TRPV3: variants seen among roughly 807,000 people sequenced by gnomAD.
TRPV3 encodes the protein transient receptor potential cation channel subfamily V member 3.
A neutral mutation model predicts 87.1 loss-of-function variants in TRPV3; 88 were observed. That is an observed-to-expected ratio of 1.01 (90% CI 0.85 to 1.21). The LOEUF (loss-of-function observed/expected upper bound fraction) is 1.21, where lower values mean the gene tolerates loss of function less well. TRPV3 is among the 50% of genes most tolerant of loss of function. TRPV3 has a pLI of 0.00. For synonymous variants in TRPV3, 438 were observed against 423.3 expected, an observed-to-expected ratio of 1.03 and a Z score of -0.43; for missense variants, 1,054 against 1,030.1, an observed-to-expected ratio of 1.02 and a Z score of -0.32.
At position 3,532,746 on chromosome 17, in the gene TRPV3, G is replaced by A; in HGVS notation, c.976C>T (p.Leu326=). Residue 326 remains leucine, a synonymous_variant, in exon 8 of 18, where the codon CTG becomes TTG. Coordinates refer to ENST00000576742, the MANE Select transcript of TRPV3 (RefSeq NM_145068.4). ...TCCAGCTCCCAGTTGCCACTCCGCA[G>A]TAGGATCATGTCGTACATGCGCTTC... ...FVKRMYDMIL[L]RSGNWELETT... The A allele has an allele frequency of 6.2e-7, 1 of 1,614,260 alleles. No individual in the cohort carries two copies. The highest frequency in any genetic ancestry group is 1.1e-5 in the South Asian group (1 of 91,092).
intron 6 of TRPV3, among the ~76,000 whole-genome samples, chr17:3,539,804 A>T (rs1350352494): frequency 1.3e-5 from 2 of 152,166 alleles, no homozygotes; most frequent in East Asian, 1.9e-4. Flanking sequence ...AGAATTGCTT[A>T]AAAAAGTAAA....
Position 3,526,850 on chromosome 17 carries a change from T to C in TRPV3, c.1577+4A>G, listed in dbSNP as rs1326377287. The C allele has an allele frequency of 1.2e-6, 2 of 1,609,418 alleles. No homozygotes were observed. The highest frequency in any genetic ancestry group is 1.7e-6 in the Non-Finnish European group (2 of 1,178,064). On this transcript the variant is annotated splice_donor_region_variant and intron_variant, in intron 12 of 17. Transcript: ENST00000576742. ...GCGATAACCAAGGGGCCAGACCTAC[T>C]TACAAGACAAAGTGGAACCAGGCAT...
intron 5 of TRPV3, among the ~76,000 whole-genome samples, chr17:3,543,263 C>T (rs2074486485): frequency 6.6e-6 from 1 of 152,206 alleles, no homozygotes; most frequent in South Asian, 2.1e-4. Flanking sequence ...GCTTCACCCC[C>T]ATCTTCCACA....
chr17:3,513,891 G>T lies in TRPV3; in HGVS notation c.*26C>A, dbSNP rs1567627233. 6.3e-7 allele frequency: 1 copy of T among 1,595,804 alleles called. No individual in the cohort carries two copies. ...CCGCCTGCAGCGCCAGACAGCGCAC[G>T]CGCACACCAGCTCTGGGTTCCGCTT... On this transcript the variant is annotated 3_prime_UTR_variant, in exon 18 of 18. Transcript: ENST00000576742.
At chr17:3,523,845 T>C (rs942179248) in intron 13 of TRPV3, among the ~76,000 whole-genome samples, 1 of 152,040 alleles carries the variant, frequency 6.6e-6, no homozygotes, top group Non-Finnish European at 1.5e-5. Flanking sequence ...TATAGTAAAA[T>C]GTATGATAAG....
At chr17:3,525,263 A>T (rs536852754) in intron 12 of TRPV3, among the ~76,000 whole-genome samples, 1 of 152,108 alleles carries the variant, frequency 6.6e-6, no homozygotes, top group Admixed American at 6.6e-5. Flanking sequence ...CAGGTGATCC[A>T]CCCACCTCGG....
intron 4 of TRPV3, 43 bp downstream of exon 4, chr17:3,544,536 G>C: frequency 7.6e-7 from 1 of 1,319,672 alleles, no homozygotes; most frequent in Non-Finnish European, 1.1e-6. Context: ...GGCACCCCCA[G>C]CCTGGGTGGG....
intron 17 of TRPV3, 91 bp from the exon 18 acceptor site, chr17:3,514,102 G>A: frequency 8.6e-7 from 1 of 1,168,620 alleles, no homozygotes; most frequent in Admixed American, 2.6e-5. Flanking sequence ...TTTTGAGATG[G>A]AGTTTCCCTC....
intron 5 of TRPV3, among the ~76,000 whole-genome samples, chr17:3,543,049 T>C (rs1376182436): frequency 6.6e-6 from 1 of 151,900 alleles, no homozygotes; most frequent in African/African-American, 2.4e-5. Context: ...ATCAACCTGA[T>C]ACTGCACTGG....
At chr17:3,519,577 A>G (rs1299017817) in intron 14 of TRPV3, among the ~76,000 whole-genome samples, 2 of 92,092 alleles carry the variant, frequency 2.2e-5, no homozygotes, top group African/African-American at 4.9e-5. Flanking sequence ...TGGATGGATG[A>G]TTAAATGGAT....
chr17:3,526,602 C>G (rs2150786970), intron 12 of TRPV3, among the ~76,000 whole-genome samples: 1 of 152,312 alleles, frequency 6.6e-6, no homozygotes, highest in African/African-American at 2.4e-5. Context: ...ACCATCTCAG[C>G]CTCCCAGAGT....
At chr17:3,521,106 T>C in intron 13 of TRPV3, 67 bp from the exon 14 acceptor site, 1 of 894,558 alleles carries the variant, frequency 1.1e-6, no homozygotes. Context: ...CTGATCTTCC[T>C]GCTTCCCACC....
Position 3,513,811 on chromosome 17 carries a change from C to T in TRPV3, c.*106G>A. ...ACGAGGGTGCACTCTGCTTCTAGGC[C>T]AGCAGAGCCGGACTCCACCATCCCT... On this transcript the variant is annotated 3_prime_UTR_variant, in exon 18 of 18. Transcript: ENST00000576742. 1.1e-6 allele frequency: 1 copy of T among 950,698 alleles called. No homozygotes were observed. 58.9% of individuals were successfully genotyped at this position (950,698 alleles called of 1,614,324 possible).
intron 13 of TRPV3, among the ~76,000 whole-genome samples, chr17:3,523,563 A>T (rs943619313): frequency 6.6e-6 from 1 of 152,152 alleles, no homozygotes; most frequent in African/African-American, 2.4e-5. Flanking sequence ...TACTAAAAAT[A>T]CAAAAATTAG....
intron 12 of TRPV3, among the ~76,000 whole-genome samples, chr17:3,525,694 A>T: frequency 6.7e-6 from 1 of 149,354 alleles, no homozygotes; most frequent in South Asian, 2.1e-4. Flanking sequence ...ATCTCGGCTC[A>T]CTGCAGCCTC....
At chr17:3,517,908 T>A (rs1055324144) in intron 15 of TRPV3, among the ~76,000 whole-genome samples, 9 of 149,702 alleles carry the variant, frequency 6.0e-5, no homozygotes, top group South Asian at 2.1e-4. Flanking sequence ...AACCTCCACC[T>A]CCTGGGTTCA....
At chr17:3,526,981 G>T in intron 11 of TRPV3, 54 bp from the exon 12 acceptor site, 3 of 1,403,152 alleles carry the variant, frequency 2.1e-6, no homozygotes, top group South Asian at 2.4e-5. Context: ...CTCAGCAGGG[G>T]AGCTGAGCAG....
At chr17:3,532,517 G>A (rs1226545261) in intron 8 of TRPV3, 140 bp downstream of exon 8, 4 of 1,159,962 alleles carry the variant, frequency 3.4e-6, no homozygotes, top group Non-Finnish European at 3.6e-6. Context: ...CGCCACTGCA[G>A]TTCTGGACCC....
At position 3,532,766 on chromosome 17, in the gene TRPV3, C is replaced by T. The variant is rs151284467; in HGVS notation, c.956G>A (p.Arg319His). ...DFKTQNDFVKRMYDMILLRSG... is the reference protein window; with the variant it reads ...DFKTQNDFVKHMYDMILLRSG... ...CCGCAGTAGGATCATGTCGTACATGCGCTTCACAAAGTCATTCTGCGTCTT... is the reference window on the plus strand; with the variant it reads ...CCGCAGTAGGATCATGTCGTACATGTGCTTCACAAAGTCATTCTGCGTCTT... Residue 319 changes from arginine (R) to histidine (H), a missense_variant, in exon 8 of 18, where the codon CGC becomes CAC. By Grantham distance (29) the Arg-to-His change is conservative. Transcript: ENST00000576742. 19 of 1,614,148 alleles carry T rather than the reference C, an allele frequency of 1.2e-5. No individual in the cohort carries two copies. Among genetic ancestry groups the T allele is most frequent in the African/African-American group, 8.0e-5 (6 of 74,954 alleles).
Sources: gnomAD v4.1 joint callset for allele counts (sites outside exome capture counted in the v4.1 genomes callset) on GRCh38, gnomAD v4.1.1 for gene constraint, MANE v1.5 for transcripts, NCBI Gene and HGNC (gene_info 2026-07-23, HGNC 2026-07-21) for gene names.